The following ABCC8 variants were observed in gnomAD, a reference collection of about 807,000 sequenced individuals.
ABCC8 encodes the protein ATP binding cassette subfamily C member 8.
In ABCC8, 137 loss-of-function variants were observed where a neutral mutation model predicts 188.0. The ratio of observed to expected loss-of-function variants is 0.73; its 90% CI spans 0.63 to 0.84. The LOEUF (loss-of-function observed/expected upper bound fraction) is 0.84, where lower values mean the gene tolerates loss of function less well. ABCC8 is among the 40% of genes least tolerant of loss of function. The pLI is 0.00. For synonymous variants in ABCC8, 797 were observed against 846.5 expected (o/e 0.94, Z 1.01); for missense variants, 1,750 against 2,072.7 (o/e 0.84, Z 3.02).
rs544550330 is a variant in ABCC8 at position 17,402,761 on chromosome 11, G to A, written c.3558-8C>T. 2.2e-4 allele frequency: 355 copies of A among 1,614,156 alleles called. 4 individuals are homozygous for A. The South Asian group carries it at 3.6e-3, about 16-fold the overall frequency. ...TCCAGCTGCTGCAGGTCCCTGTGGC[G>A]GGGAACAGAGTGGAACAGTTAAGAG... On this transcript the variant is annotated splice_polypyrimidine_tract_variant and splice_region_variant and intron_variant, in intron 28 of 38. Transcript: ENST00000389817.
intron 38 of ABCC8, among the ~76,000 whole-genome samples, chr11:17,393,463 T>C (rs1953734748): frequency 6.6e-6 from 1 of 152,162 alleles, no homozygotes; most frequent in Non-Finnish European, 1.5e-5. Context: ...CCTTGGAACC[T>C]GGAGAAGGAG....
intron 3 of ABCC8, among the ~76,000 whole-genome samples, chr11:17,468,705 G>A (rs1848304175): frequency 6.6e-6 from 1 of 152,192 alleles, no homozygotes; most frequent in African/African-American, 2.4e-5. Context: ...TAAGTACAAA[G>A]TGAGTATTTA....
rs573791452 is a variant in ABCC8, at chr11:17,407,003, A to G, written c.3047T>C (p.Val1016Ala). 7.4e-6 allele frequency: 12 copies of G among 1,614,076 alleles called. No homozygotes were observed. The highest frequency in any genetic ancestry group is 5.0e-5 in the Admixed American group (3 of 60,008). The change falls in exon 25 of 39, where the codon GTC becomes GCC. Residue 1016 changes from valine (V) to alanine (A), a missense_variant. Transcript: ENST00000389817. ...SAGILLLSLLVFSQLLKHMVL... is the reference protein window; with the variant it reads ...SAGILLLSLLAFSQLLKHMVL... ...CATGTGCTTGAGCAGCTGTGAGAAG[A>G]CCAGCAACGACAGGAGCAGGATGCC...
intron 3 of ABCC8, among the ~76,000 whole-genome samples, chr11:17,465,911 A>G (rs1428792198): frequency 6.6e-6 from 1 of 152,136 alleles, no homozygotes; most frequent in African/African-American, 2.4e-5. Context: ...AAACCCCTCA[A>G]TGCACCCATG....
Position 17,404,104 on chromosome 11 carries a change from G to A in ABCC8, c.3557+408C>T, listed in dbSNP as rs16934047. On this transcript the variant is annotated intron_variant, in intron 28 of 38. Coordinates refer to ENST00000389817, the MANE Select transcript of ABCC8 (RefSeq NM_000352.6). The surrounding 1 kb of genome is among the most constrained non-coding windows in gnomAD (Gnocchi z 4.7). Reference sequence around the variant, plus strand: ...GCTTACAGCTACACTCTGGACTCACGTGGGCTGGGAGGTGTTATCATAACA... The same window carrying A: ...GCTTACAGCTACACTCTGGACTCACATGGGCTGGGAGGTGTTATCATAACA... Among the ~76,000 whole-genome samples, 10,336 of 152,228 alleles carry A rather than the reference G, an allele frequency of 0.068. 1,130 individuals are homozygous for A. The highest frequency in any genetic ancestry group is 0.23 in the African/African-American group (9,686 of 41,494).
intron 10 of ABCC8, chr11:17,436,162 C>A: frequency 1.3e-6 from 1 of 749,264 alleles, no homozygotes; most frequent in South Asian, 1.4e-5. Flanking sequence ...ACCAACATGT[C>A]TCAGCAAGAG....
Position 17,463,571 on chromosome 11 carries a change from G to T in ABCC8, c.446C>A (p.Thr149Asn), listed in dbSNP as rs1446319580. 1 of 1,590,968 alleles carries T rather than the reference G, an allele frequency of 6.3e-7. No individual in the cohort carries two copies. Among genetic ancestry groups the T allele is most frequent in the Non-Finnish European group, 8.6e-7 (1 of 1,168,464 alleles). The change falls in exon 4 of 39, where the codon ACC becomes AAC. Residue 149 changes from threonine (T) to asparagine (N), a missense_variant. By Grantham distance (65) the Thr-to-Asn change is moderately conservative (BLOSUM62 0). Coordinates refer to ENST00000389817, the MANE Select transcript of ABCC8 (RefSeq NM_000352.6). The part of the protein sequence containing the change: ...LLVYWTLAFI[T>N]KTIKFVKFLD... ...GAACTTGACAAACTTGATGGTCTTGGTGATGAAGGCCAGGGTCCAATACAC... is the reference window on the plus strand; with the variant it reads ...GAACTTGACAAACTTGATGGTCTTGTTGATGAAGGCCAGGGTCCAATACAC...
At chr11:17,438,755 T>C (rs10832789) in intron 10 of ABCC8, among the ~76,000 whole-genome samples, 69,277 of 151,792 alleles carry the variant, frequency 0.46, 17,091 homozygotes, top group African/African-American at 0.66. Flanking sequence ...CAGCCCACAT[T>C]GCCCCTACAT....
intron 7 of ABCC8, among the ~76,000 whole-genome samples, chr11:17,450,779 G>T (rs1415046886): frequency 4.4e-5 from 6 of 134,908 alleles, no homozygotes; most frequent in Non-Finnish European, 9.2e-5. Flanking sequence ...ACCTCCACCT[G>T]CTGGGTTCAA....
chr11:17,420,703 A>C (rs1955300501), intron 16 of ABCC8, among the ~76,000 whole-genome samples: 1 of 152,198 alleles, frequency 6.6e-6, no homozygotes, highest in Non-Finnish European at 1.5e-5. Flanking sequence ...GGGAAGTGGG[A>C]GCCTCTTCCC....
chr11:17,416,899 A>G, intron 17 of ABCC8, 31 bp downstream of exon 17: 1 of 1,605,160 alleles, frequency 6.2e-7, no homozygotes, highest in Non-Finnish European at 8.5e-7. Context: ...CTTTGTTGAG[A>G]CCCACTTCTG....
At chr11:17,450,634 T>C (rs1385100281) in intron 7 of ABCC8, among the ~76,000 whole-genome samples, 4 of 147,390 alleles carry the variant, frequency 2.7e-5, no homozygotes, top group South Asian at 2.1e-4. Flanking sequence ...CCTGACCTTG[T>C]GATCCACCCG....
intron 8 of ABCC8, among the ~76,000 whole-genome samples, chr11:17,445,323 G>A (rs980515247): frequency 9.9e-5 from 12 of 120,880 alleles, no homozygotes; most frequent in African/African-American, 3.7e-4. Context: ...AAGGGCTGGG[G>A]GCGAAGATGA....
At chr11:17,437,507 G>A (rs999605291) in intron 10 of ABCC8, among the ~76,000 whole-genome samples, 1 of 152,262 alleles carries the variant, frequency 6.6e-6, no homozygotes, top group Admixed American at 6.5e-5. Flanking sequence ...CACAGTTTGG[G>A]CCTAATTGCA....
At chr11:17,409,002 G>C (rs1388494580) in intron 22 of ABCC8, among the ~76,000 whole-genome samples, 1 of 143,302 alleles carries the variant, frequency 7.0e-6, no homozygotes, top group Admixed American at 7.5e-5. Context: ...TGCCTAGGCT[G>C]GGGTGCAATG....
chr11:17,433,072 C>G (rs1209447056), intron 10 of ABCC8, among the ~76,000 whole-genome samples: 1 of 152,202 alleles, frequency 6.6e-6, no homozygotes, highest in Non-Finnish European at 1.5e-5. Context: ...GTGCTGCCTA[C>G]ACATCATACC....
rs748272034 is a variant in ABCC8, at chr11:17,460,519, AG to A, written c.979del (p.Lys329ArgfsTer30). The A allele has an allele frequency of 1.2e-6, 2 of 1,614,156 alleles. No individual in the cohort carries two copies. The highest frequency in any genetic ancestry group is 1.7e-6 in the Non-Finnish European group (2 of 1,180,044). Reference protein sequence around the residue: ...PLCIFGIVDHLGKENDVFQPK... With the variant: ...PLCIFGIVDHXGKENDVFQPK... ...CTGGAAGACGTCGTTCTCCTTCCCA[AG>A]GTGGTCCACGATCCCAAAGATGCAC... On this transcript the variant is annotated frameshift_variant, in exon 6 of 39. Transcript: ENST00000389817. LOFTEE classifies it high-confidence loss of function.
At chr11:17,473,021 T>G (rs944119389) in intron 2 of ABCC8, among the ~76,000 whole-genome samples, 2 of 152,192 alleles carry the variant, frequency 1.3e-5, no homozygotes, top group East Asian at 3.8e-4. Flanking sequence ...TTGAAACACC[T>G]TATACTTTCT....
rs1681617612 is a variant in ABCC8 at position 17,432,219 on chromosome 11, A to C, written c.1656T>G (p.Ile552Met). 1 of 1,552,882 alleles carries C rather than the reference A, an allele frequency of 6.4e-7. No homozygotes were observed. The highest frequency in any genetic ancestry group is 8.7e-7 in the Non-Finnish European group (1 of 1,147,540). Reference sequence around the variant, plus strand: ...ATCCACTTACTATGAGGACAGCTGCAATGGGGATGGCCGTGTTCATGAAAA... The same window carrying C: ...ATCCACTTACTATGAGGACAGCTGCCATGGGGATGGCCGTGTTCATGAAAA... ...ISIFMNTAIP[I>M]AAVLITFVGH... The change falls in exon 11 of 39, where the codon ATT (isoleucine) becomes ATG (methionine). Residue 552 changes from isoleucine (I) to methionine (M), a missense_variant. Physicochemically the swap from Ile to Met is conservative, Grantham distance 10. Coordinates refer to ENST00000389817, the MANE Select transcript of ABCC8 (RefSeq NM_000352.6).
Sources: gnomAD v4.1 joint callset for allele counts (sites outside exome capture counted in the v4.1 genomes callset) on GRCh38, gnomAD v4.1.1 for gene constraint, Gnocchi (gnomAD v3.1) non-coding constraint, MANE v1.5 for transcripts, NCBI Gene and HGNC (gene_info 2026-07-23, HGNC 2026-07-21) for gene names.